The following LRBA variants were observed in gnomAD, a reference collection of about 807,000 sequenced individuals.
LRBA encodes LPS responsive beige-like anchor protein, also known as lipopolysaccharide-responsive and beige-like anchor protein.
LRBA carries 176 observed loss-of-function variants against 330.0 expected under a neutral mutation model. The observed-to-expected ratio is 0.53, with a 90% CI of 0.47 to 0.60. The LOEUF (loss-of-function observed/expected upper bound fraction) is 0.60, where lower values mean the gene tolerates loss of function less well. Ranked by LOEUF, LRBA falls within the 20% of genes least tolerant of loss-of-function variation. The pLI is 0.00. For synonymous variants in LRBA, 1,230 were observed against 1,193.0 expected (o/e 1.03, Z -0.64); for missense variants, 3,259 against 3,444.8 (o/e 0.95, Z 1.35).
At chr4:150,511,227 T>C (rs76811716) in intron 40 of LRBA, among the ~76,000 whole-genome samples, 3 of 152,292 alleles carry the variant, frequency 2.0e-5, no homozygotes, top group East Asian at 1.9e-4. Flanking sequence ...ATTAGTCCAA[T>C]TGAGACTATT....
intron 46 of LRBA, among the ~76,000 whole-genome samples, chr4:150,427,352 G>A (rs2151976001): frequency 1.3e-5 from 2 of 152,028 alleles, no homozygotes; most frequent in Middle Eastern, 3.4e-3. Flanking sequence ...TTTTATCAAT[G>A]AGCAAAATGT....
rs1426026219 is a variant in LRBA, at chr4:151,005,771, A to G, written c.216+8656T>C. On this transcript the variant is annotated intron_variant, in intron 2 of 56. Transcript: ENST00000651943. ...AGGTGCCCGCCACCACGCCTGGCTAATTTTGTATTTTTTAGTAGAGAACAT... is the reference window on the plus strand; with the variant it reads ...AGGTGCCCGCCACCACGCCTGGCTAGTTTTGTATTTTTTAGTAGAGAACAT... Among the ~76,000 whole-genome samples, 39 of 151,846 alleles carry G rather than the reference A, an allele frequency of 2.6e-4. 1 individual carries two copies. The highest frequency in any genetic ancestry group is 2.6e-3 in the Admixed American group (39 of 15,222).
intron 17 of LRBA, among the ~76,000 whole-genome samples, chr4:150,884,533 G>C (rs759519097): frequency 5.9e-5 from 9 of 152,142 alleles, no homozygotes; most frequent in Non-Finnish European, 1.3e-4. Context: ...AGAACCTGTA[G>C]CTAAATCATT....
chr4:150,407,102 T>C (rs1194450571), intron 47 of LRBA, among the ~76,000 whole-genome samples: 1 of 152,084 alleles, frequency 6.6e-6, no homozygotes, highest in Non-Finnish European at 1.5e-5. Flanking sequence ...GATTTTGAGA[T>C]GGGAAGATTA....
chr4:150,827,259 T>G (rs1560874721), intron 30 of LRBA, among the ~76,000 whole-genome samples: 1 of 152,196 alleles, frequency 6.6e-6, no homozygotes, highest in Non-Finnish European at 1.5e-5. Context: ...TTTTATGACA[T>G]TCACCCTTCT....
rs757002725 is a variant in LRBA at position 150,828,355 on chromosome 4, C to G, written c.4996G>C (p.Ala1666Pro). Residue 1666 changes from alanine (A) to proline (P), a missense_variant, in exon 30 of 57, where the codon GCT (alanine) becomes CCT (proline). Transcript: ENST00000651943. ...NDRGNDLDTK[A>P]TPSVSVSKNV... Reference sequence around the variant, plus strand: ...TTTGAAACTGAAACTGACGGTGTAGCCTTAGTGTCCAAGTCATTTCCTCTA... The same window carrying G: ...TTTGAAACTGAAACTGACGGTGTAGGCTTAGTGTCCAAGTCATTTCCTCTA... 1.2e-5 allele frequency: 20 copies of G among 1,613,946 alleles called. No homozygotes were observed. Among genetic ancestry groups the G allele is most frequent in the Non-Finnish European group, 1.7e-5 (20 of 1,180,004 alleles).
At chr4:150,475,841 C>G (rs969990902) in intron 42 of LRBA, among the ~76,000 whole-genome samples, 5 of 151,586 alleles carry the variant, frequency 3.3e-5, no homozygotes, top group African/African-American at 1.2e-4. Flanking sequence ...GAGTTTGAAG[C>G]TGCAGTGAGC....
intron 46 of LRBA, among the ~76,000 whole-genome samples, chr4:150,420,028 G>A (rs1748416175): frequency 6.6e-6 from 1 of 150,668 alleles, no homozygotes; most frequent in Admixed American, 6.6e-5. Context: ...CTTGTTTCCA[G>A]GAGTTCAAGA....
chr4:150,730,099 A>C (rs1484209622), intron 36 of LRBA, among the ~76,000 whole-genome samples: 3 of 152,226 alleles, frequency 2.0e-5, no homozygotes, highest in Non-Finnish European at 4.4e-5. Context: ...AAATTTCTTC[A>C]GTAATACCCC....
intron 40 of LRBA, among the ~76,000 whole-genome samples, chr4:150,531,465 T>C (rs963258736): frequency 6.6e-6 from 1 of 152,210 alleles, no homozygotes; most frequent in Non-Finnish European, 1.5e-5. Flanking sequence ...ACATTATTGC[T>C]TTCCTTTGTC....
chr4:150,659,225 A>C (rs375024905), intron 37 of LRBA, among the ~76,000 whole-genome samples: 42 of 77,716 alleles, frequency 5.4e-4, no homozygotes, highest in South Asian at 3.6e-3. Context: ...CCAGTCTGGA[A>C]AGTGAGGAGC....
chr4:150,967,742 A>G (rs533188502), intron 2 of LRBA, among the ~76,000 whole-genome samples: 8 of 152,256 alleles, frequency 5.3e-5, no homozygotes, highest in Non-Finnish European at 1.0e-4. Context: ...CATTATTATT[A>G]TATTTGTTAT....
intron 1 of LRBA, 128 bp from the exon 2 acceptor site, chr4:151,014,989 CT>C: frequency 5.0e-6 from 1 of 198,550 alleles, no homozygotes; most frequent in South Asian, 1.4e-4. Context: ...CCACCCGCTT[CT>C]CCCGGGCTCA....
At chr4:150,558,195 G>C (rs950270720) in intron 40 of LRBA, among the ~76,000 whole-genome samples, 2 of 152,092 alleles carry the variant, frequency 1.3e-5, no homozygotes, top group South Asian at 4.2e-4. Flanking sequence ...CACAGCGCCC[G>C]GCCCCATATT....
At chr4:150,982,602 C>CAA (rs202226194) in intron 2 of LRBA, among the ~76,000 whole-genome samples, 3 of 116,994 alleles carry the variant, frequency 2.6e-5, no homozygotes, top group Admixed American at 8.9e-5. Context: ...TTGTATTTGC[C>CAA]AAAAAAAAAA....
intron 40 of LRBA, among the ~76,000 whole-genome samples, chr4:150,505,447 C>T (rs1189348329): frequency 6.6e-6 from 1 of 152,196 alleles, no homozygotes; most frequent in Non-Finnish European, 1.5e-5. Flanking sequence ...CGCTCAACTA[C>T]ATGGAAACTG....
chr4:150,348,302 T>C (rs1158309946), intron 48 of LRBA, among the ~76,000 whole-genome samples: 2 of 152,198 alleles, frequency 1.3e-5, no homozygotes, highest in South Asian at 4.1e-4. Context: ...CCAAGTGACA[T>C]TTTTAATCAT....
chr4:150,763,321 A>G (rs1735348631), intron 34 of LRBA, among the ~76,000 whole-genome samples: 1 of 151,962 alleles, frequency 6.6e-6, no homozygotes, highest in South Asian at 2.1e-4. Context: ...TTATCTTCTA[A>G]AAGTGTATTC....
At chr4:150,811,501 T>A (rs1413218949) in intron 31 of LRBA, among the ~76,000 whole-genome samples, 1 of 151,358 alleles carries the variant, frequency 6.6e-6, no homozygotes, top group Non-Finnish European at 1.5e-5. Flanking sequence ...GTTTATTGGG[T>A]TTTTTGTTTT....
Sources: allele counts gnomAD v4.1 joint callset (sites outside exome capture counted in the v4.1 genomes callset), GRCh38; gene constraint gnomAD v4.1.1; transcripts MANE v1.5; gene names NCBI Gene and HGNC (gene_info 2026-07-23, HGNC 2026-07-21).